Variants in OGFRL1 observed in about 807,000 individuals in gnomAD.
OGFRL1 encodes the protein opioid growth factor receptor-like protein 1.
In OGFRL1, 26 loss-of-function variants were observed where a neutral mutation model predicts 32.4. The observed-to-expected ratio is 0.80, with a 90% confidence interval of 0.59 to 1.11. The LOEUF (loss-of-function observed/expected upper bound fraction) is 1.11, where lower values mean the gene tolerates loss of function less well. Among genes scored for constraint, OGFRL1 ranks in the 50% most tolerant of loss-of-function variants. The pLI is 0.00. For synonymous variants in OGFRL1, 211 were observed against 201.2 expected (o/e 1.05, Z -0.41); for missense variants, 521 against 546.4 (o/e 0.95, Z 0.46).
At chr6:71,297,380 T>TGATA (rs1766245231) in intron 6 of OGFRL1, among the ~76,000 whole-genome samples, 1 of 152,222 alleles carries the variant, frequency 6.6e-6, no homozygotes, top group Admixed American at 6.5e-5. Flanking sequence ...CCAAAACTTA[T>TGATA]GAAGAACATT....
chr6:71,306,599 G>A lies in OGFRL1; in HGVS notation c.*4550G>A, dbSNP rs9294899. The A allele has an allele frequency of 6.6e-6, 1 of 151,920 alleles. No homozygotes were observed. Among genetic ancestry groups the A allele is most frequent in the Non-Finnish European group, 1.5e-5 (1 of 67,990 alleles). The allele number at this position is 151,920 out of a possible 1,614,324, so 9.4% of individuals were successfully genotyped here. On this transcript the variant is annotated 3_prime_UTR_variant, in exon 7 of 7. Transcript: ENST00000370435. Reference sequence around the variant, plus strand: ...TATCAGTTCTTTTAATGAAATTTAGGTGGTGCTTTATCATTTTGGAGAAGT... The same window carrying A: ...TATCAGTTCTTTTAATGAAATTTAGATGGTGCTTTATCATTTTGGAGAAGT...
At chr6:71,291,053 G>A (rs1766036411) in intron 1 of OGFRL1, among the ~76,000 whole-genome samples, 1 of 152,194 alleles carries the variant, frequency 6.6e-6, no homozygotes, top group Non-Finnish European at 1.5e-5. Context: ...GACGACTGAG[G>A]ACCTTAGGCA....
chr6:71,301,401 T>A lies in OGFRL1; in HGVS notation c.708T>A (p.Tyr236Ter). The A allele has an allele frequency of 1.3e-6, 2 of 1,585,160 alleles. No homozygotes were observed. Among genetic ancestry groups the A allele is most frequent in the Non-Finnish European group, 1.7e-6 (2 of 1,168,304 alleles). Residue 236 changes from tyrosine (Y) to a stop codon, truncating the protein, a stop_gained, in exon 7 of 7, where the codon TAT (tyrosine) becomes TAA (stop). Coordinates refer to ENST00000370435, the MANE Select transcript of OGFRL1 (RefSeq NM_024576.5). LOFTEE classifies it low-confidence loss of function (END_TRUNC). ...TCTCTTCCAGGTCCCAGCACAACTA[T>A]TTAAGAATCACTCGTATTCTTAAAA... ...FQHLNESQHN[Y>*]LRITRILKSL...
chr6:71,289,137 G>T lies in OGFRL1; in HGVS notation c.201G>T (p.Pro67=). The T allele has an allele frequency of 9.1e-7, 1 of 1,100,948 alleles. No individual in the cohort carries two copies. Among genetic ancestry groups the T allele is most frequent in the Non-Finnish European group, 1.1e-6 (1 of 906,498 alleles). The allele number at this position is 1,100,948 out of a possible 1,614,324, so 68.2% of individuals were successfully genotyped here. A position where few individuals can be genotyped will look rare whatever the true frequency, so the allele number is the denominator to read the frequency against. The change falls in exon 1 of 7, where the codon CCG becomes CCT. Residue 67 remains proline (P), a synonymous_variant. Coordinates refer to ENST00000370435, the MANE Select transcript of OGFRL1 (RefSeq NM_024576.5). ...AGGRPGASPA[P]DEDAEAAGAE... ...GGCGGCCCGGCGCCAGCCCCGCGCC[G>T]GACGAGGACGCCGAGGCGGCGGGCG...
rs943893444 is a variant in OGFRL1 at position 71,307,794 on chromosome 6, T to G, written c.*5745T>G. On this transcript the variant is annotated 3_prime_UTR_variant, in exon 7 of 7. Coordinates refer to ENST00000370435, the MANE Select transcript of OGFRL1 (RefSeq NM_024576.5). ...AGTCAAATGAACTTTTCTTTCCCAGTGCTAACAGATTTTGTTTCATGTGAA... is the reference window on the plus strand; with the variant it reads ...AGTCAAATGAACTTTTCTTTCCCAGGGCTAACAGATTTTGTTTCATGTGAA... 6.6e-5 allele frequency: 10 copies of G among 152,198 alleles called. No individual in the cohort carries two copies. The highest frequency in any genetic ancestry group is 2.4e-4 in the African/African-American group (10 of 41,460). 9.4% of individuals were successfully genotyped at this position (152,198 alleles called of 1,614,324 possible). A position where few individuals can be genotyped will look rare whatever the true frequency, so the allele number is the denominator to read the frequency against.
In OGFRL1 at chr6:71,308,397, T is replaced by G. The variant is rs1766618621; in HGVS notation, c.*6348T>G. 1 of 152,190 alleles carries G rather than the reference T, an allele frequency of 6.6e-6. No individual in the cohort carries two copies. 9.4% of individuals were successfully genotyped at this position (152,190 alleles called of 1,614,324 possible). ...TCCTATGTAAGGTAATCTTTCTTTTTTAGTATTATCTAAGAAGGATGGTAG... is the reference window on the plus strand; with the variant it reads ...TCCTATGTAAGGTAATCTTTCTTTTGTAGTATTATCTAAGAAGGATGGTAG... On this transcript the variant is annotated 3_prime_UTR_variant, in exon 7 of 7. Coordinates refer to ENST00000370435, the MANE Select transcript of OGFRL1 (RefSeq NM_024576.5).
intron 6 of OGFRL1, among the ~76,000 whole-genome samples, chr6:71,300,987 TTAGCA>T (rs761815187): frequency 6.6e-6 from 1 of 152,208 alleles, no homozygotes; most frequent in Non-Finnish European, 1.5e-5. Context: ...GTGTTTATGT[TTAGCA>T]ATGGTTACCT....
At position 71,308,784 on chromosome 6, in the gene OGFRL1, A is replaced by G. The variant is rs949636386; in HGVS notation, c.*6735A>G. On this transcript the variant is annotated 3_prime_UTR_variant, in exon 7 of 7. Coordinates refer to ENST00000370435, the MANE Select transcript of OGFRL1 (RefSeq NM_024576.5). ...ATTTTAAAATATTGTTTCTAAAATA[A>G]TAGAGTTAGAGTTCCTTTTGAGTAA... The G allele has an allele frequency of 6.6e-6, 1 of 152,216 alleles. No homozygotes were observed. Among genetic ancestry groups the G allele is most frequent in the Non-Finnish European group, 1.5e-5 (1 of 68,032 alleles). 9.4% of individuals were successfully genotyped at this position (152,216 alleles called of 1,614,324 possible).
intron 6 of OGFRL1, 65 bp downstream of exon 6, chr6:71,296,882 T>G: frequency 7.2e-6 from 11 of 1,537,148 alleles, no homozygotes; most frequent in African/African-American, 1.4e-5. Flanking sequence ...CAGAGTTCTC[T>G]ATGAAACGCA....
intron 3 of OGFRL1, 43 bp downstream of exon 3, chr6:71,293,654 CA>C: frequency 1.6e-6 from 2 of 1,262,118 alleles, no homozygotes; most frequent in Non-Finnish European, 2.3e-6. Flanking sequence ...TAAATAATCA[CA>C]TACACTTGGT....
At position 71,302,122 on chromosome 6, in the gene OGFRL1, G is replaced by C. The variant is rs1766419305; in HGVS notation, c.*73G>C. ...ACTGTATCATTTATCCTAAAGAACA[G>C]AGATGAGGTCAATTTCAAATTTTAG... On this transcript the variant is annotated 3_prime_UTR_variant, in exon 7 of 7. Coordinates refer to ENST00000370435, the MANE Select transcript of OGFRL1 (RefSeq NM_024576.5). 4 of 1,289,682 alleles carry C rather than the reference G, an allele frequency of 3.1e-6. No homozygotes were observed. The Admixed American group carries it at 1.1e-4, about 35-fold the overall frequency. The allele number at this position is 1,289,682 out of a possible 1,614,324, so 79.9% of individuals were successfully genotyped here. A position where few individuals can be genotyped will look rare whatever the true frequency, so the allele number is the denominator to read the frequency against.
At chr6:71,289,204 G>T in intron 1 of OGFRL1, 34 bp downstream of exon 1, 1 of 1,056,490 alleles carries the variant, frequency 9.5e-7, no homozygotes, top group Non-Finnish European at 1.1e-6. Flanking sequence ...GGGTCGGGCT[G>T]GGGCGCCCCG....
intron 5 of OGFRL1, 54 bp from the exon 6 acceptor site, chr6:71,296,618 T>G: frequency 6.2e-7 from 1 of 1,607,636 alleles, no homozygotes; most frequent in Non-Finnish European, 8.5e-7. Flanking sequence ...GCTATTTCAC[T>G]GTCCTTGTAG....
Position 71,301,477 on chromosome 6 carries a change from A to G in OGFRL1, c.784A>G (p.Ile262Val). The G allele has an allele frequency of 6.2e-7, 1 of 1,613,060 alleles. No homozygotes were observed. The highest frequency in any genetic ancestry group is 1.7e-4 in the Middle Eastern group (1 of 6,056). ...TTTTAAATCTCCTCTTGTAAAATTTATTCTTCATGAAGCTCTTGTGGAGAA... is the reference window on the plus strand; with the variant it reads ...TTTTAAATCTCCTCTTGTAAAATTTGTTCTTCATGAAGCTCTTGTGGAGAA... ...ESFKSPLVKF[I>V]LHEALVENTI... Residue 262 changes from isoleucine to valine, a missense_variant, in exon 7 of 7, where the codon ATT becomes GTT. Physicochemically the swap from Ile to Val is conservative, Grantham distance 29 (BLOSUM62 3). Coordinates refer to ENST00000370435, the MANE Select transcript of OGFRL1 (RefSeq NM_024576.5).
chr6:71,288,852 G>C lies in OGFRL1; in HGVS notation c.-85G>C. 1.0e-6 allele frequency: 1 copy of C among 1,003,146 alleles called. No individual in the cohort carries two copies. The highest frequency in any genetic ancestry group is 1.2e-6 in the Non-Finnish European group (1 of 831,326). 62.1% of individuals were successfully genotyped at this position (1,003,146 alleles called of 1,614,324 possible). On this transcript the variant is annotated 5_prime_UTR_variant, in exon 1 of 7. Coordinates refer to ENST00000370435, the MANE Select transcript of OGFRL1 (RefSeq NM_024576.5). ...GCCTAGGCTGCCGCCCAGCGCCCTC[G>C]CCGCGGCCATGCCCGGGCCCTAGAG...
chr6:71,294,577 C>T (rs1268614899), intron 3 of OGFRL1, among the ~76,000 whole-genome samples: 1 of 152,148 alleles, frequency 6.6e-6, no homozygotes, highest in Non-Finnish European at 1.5e-5. Context: ...ACCAACAGAC[C>T]TACCAGTTGG....
chr6:71,302,173 A>G lies in OGFRL1; in HGVS notation c.*124A>G. ...CCATCTGTTTGTGATTTCTGTCATA[A>G]GCATTTTGTTGTTTGTTTTTTTATT... On this transcript the variant is annotated 3_prime_UTR_variant, in exon 7 of 7. Transcript: ENST00000370435. The G allele has an allele frequency of 1.2e-6, 1 of 802,890 alleles. No individual in the cohort carries two copies. The highest frequency in any genetic ancestry group is 1.8e-6 in the Non-Finnish European group (1 of 553,630). 49.7% of individuals were successfully genotyped at this position (802,890 alleles called of 1,614,324 possible).
At chr6:71,289,342 C>G in intron 1 of OGFRL1, 172 bp downstream of exon 1, 1 of 965,588 alleles carries the variant, frequency 1.0e-6, no homozygotes, top group Non-Finnish European at 1.2e-6. Flanking sequence ...AGCCCGGGGG[C>G]CTGCAGGAGC....
rs1174789241 is a variant in OGFRL1, at chr6:71,308,552, C to G, written c.*6503C>G. On this transcript the variant is annotated 3_prime_UTR_variant, in exon 7 of 7. Transcript: ENST00000370435. ...GATTCTCCAGTGGCCACTGGGCCTT[C>G]TCTGTGCTCTGTATTCAACTGCAGT... 3 of 152,188 alleles carry G rather than the reference C, an allele frequency of 2.0e-5. No individual in the cohort carries two copies. The highest frequency in any genetic ancestry group is 7.2e-5 in the African/African-American group (3 of 41,446). The allele number at this position is 152,188 out of a possible 1,614,324, so 9.4% of individuals were successfully genotyped here.
Sources: allele counts gnomAD v4.1 joint callset (sites outside exome capture counted in the v4.1 genomes callset), GRCh38; gene constraint gnomAD v4.1.1; transcripts MANE v1.5; gene names NCBI Gene and HGNC (gene_info 2026-07-23, HGNC 2026-07-21).